Variants in DIS3L observed in about 807,000 individuals in gnomAD.
The protein encoded by DIS3L is DIS3 like exosome 3'-5' exoribonuclease, also known as DIS3-like exonuclease 1.
Under a neutral mutation model 120.3 loss-of-function variants are expected in DIS3L, and 100 were observed. That is an observed-to-expected ratio of 0.83 (90% CI 0.71 to 0.98). The LOEUF (loss-of-function observed/expected upper bound fraction) is 0.98. Among genes scored for constraint, DIS3L ranks in the 50% least tolerant of loss-of-function variants. The pLI, the probability that DIS3L is intolerant of heterozygous loss-of-function variation, is 0.00. For missense variants in DIS3L, 1,196 were observed against 1,314.2 expected (o/e 0.91, Z 1.39); for synonymous variants, 426 against 470.6 (o/e 0.91, Z 1.23).
rs1425723625 is a variant in DIS3L, at chr15:66,328,970, G to T, written c.2202G>T (p.Arg734=). 2 of 1,610,696 alleles carry T rather than the reference G, an allele frequency of 1.2e-6. No individual in the cohort carries two copies. The highest frequency in any genetic ancestry group is 1.7e-6 in the Non-Finnish European group (2 of 1,179,150). Residue 734 remains arginine (R), a splice_region_variant and synonymous_variant, in exon 13 of 17, where the codon CGG becomes CGT. Coordinates refer to ENST00000319212, the MANE Select transcript of DIS3L (RefSeq NM_001143688.3). ...TAACGGTTTTTCTGTTCTTTGTCAG[G>T]TCCAATAAAACACTGGCTGATTCTC... is the stretch of plus-strand genomic sequence containing the variant. ...AKAKGFFIDT[R]SNKTLADSLD...
In DIS3L at chr15:66,315,104, G is replaced by C. The variant is rs779478562; in HGVS notation, c.883G>C (p.Val295Leu). The C allele has an allele frequency of 6.2e-6, 10 of 1,614,104 alleles. No individual in the cohort carries two copies. The Admixed American group carries it at 1.7e-4, about 27-fold the overall frequency. The change falls in exon 7 of 17, where the codon GTT becomes CTT. Residue 295 changes from valine (V) to leucine (L), a missense_variant. Transcript: ENST00000319212. ...RNRSIHGDVV[V>L]VELLPKNEWK... ...CCGCTCAATTCATGGAGATGTGGTA[G>C]TTGTGGAGCTGCTTCCTAAAAATGA...
At chr15:66,327,023 A>G (rs1293364594) in intron 12 of DIS3L, among the ~76,000 whole-genome samples, 2 of 151,318 alleles carry the variant, frequency 1.3e-5, no homozygotes, top group African/African-American at 4.9e-5. Context: ...TCCGCCTCCC[A>G]GGTTCAAGCG....
In DIS3L at chr15:66,315,105, T is replaced by C; in HGVS notation, c.884T>C (p.Val295Ala). 10 of 1,614,028 alleles carry C rather than the reference T, an allele frequency of 6.2e-6. No individual in the cohort carries two copies. The highest frequency in any genetic ancestry group is 8.5e-6 in the Non-Finnish European group (10 of 1,180,012). Residue 295 changes from valine to alanine, a missense_variant, in exon 7 of 17, where the codon GTT becomes GCT. By Grantham distance (64) the Val-to-Ala change is moderately conservative. Coordinates refer to ENST00000319212, the MANE Select transcript of DIS3L (RefSeq NM_001143688.3). ...CGCTCAATTCATGGAGATGTGGTAG[T>C]TGTGGAGCTGCTTCCTAAAAATGAA... ...RNRSIHGDVV[V>A]VELLPKNEWK...
At position 66,327,289 on chromosome 15, in the gene DIS3L, A is replaced by G. The variant is rs2092948884; in HGVS notation, c.2201+925A>G. On this transcript the variant is annotated intron_variant, in intron 12 of 16. Transcript: ENST00000319212. ...TGTTAGTTACCCTTGATTTAATTTCATGTACCCCTTAAGTTACAAAGAAAT... is the reference window on the plus strand; with the variant it reads ...TGTTAGTTACCCTTGATTTAATTTCGTGTACCCCTTAAGTTACAAAGAAAT... 3.9e-5 allele frequency among the ~76,000 whole-genome samples: 6 copies of G among 152,260 alleles called. No homozygotes were observed. In the South Asian group the frequency reaches 1.2e-3, roughly 32 times the overall value.
intron 7 of DIS3L, among the ~76,000 whole-genome samples, chr15:66,316,995 G>A (rs543554367): frequency 1.3e-5 from 2 of 152,232 alleles, no homozygotes; most frequent in South Asian, 2.1e-4. Context: ...TGCTCCAGCC[G>A]CAGTGACAAC....
intron 9 of DIS3L, 124 bp from the exon 10 acceptor site, chr15:66,322,563 G>A: frequency 6.9e-7 from 1 of 1,440,520 alleles, no homozygotes; most frequent in Non-Finnish European, 9.4e-7. Flanking sequence ...AGCCAACATA[G>A]GTTGATGAAG....
intron 2 of DIS3L, among the ~76,000 whole-genome samples, chr15:66,295,590 A>G (rs2092577719): frequency 6.6e-6 from 1 of 152,238 alleles, no homozygotes; most frequent in Non-Finnish European, 1.5e-5. Flanking sequence ...GTAATGATTT[A>G]TTCAATGAAA....
chr15:66,300,901 T>C (rs766139210), intron 2 of DIS3L, among the ~76,000 whole-genome samples: 9 of 152,256 alleles, frequency 5.9e-5, no homozygotes, highest in Non-Finnish European at 1.2e-4. Context: ...TTGTGAGTAT[T>C]GTCTAATATA....
At chr15:66,318,666 C>T (rs759992017) in intron 8 of DIS3L, 48 bp downstream of exon 8, 3 of 1,570,296 alleles carry the variant, frequency 1.9e-6, no homozygotes, top group African/African-American at 2.7e-5. Context: ...CTTTCTCCTT[C>T]TGTCTTTACC....
chr15:66,298,556 A>G (rs959550426), intron 2 of DIS3L, among the ~76,000 whole-genome samples: 1 of 152,252 alleles, frequency 6.6e-6, no homozygotes, highest in East Asian at 1.9e-4. Flanking sequence ...ATGGAAAGAC[A>G]CAGCCTTTAA....
In DIS3L at chr15:66,294,977, T is replaced by C; in HGVS notation, c.140-11T>C. On this transcript the variant is annotated splice_polypyrimidine_tract_variant and intron_variant, in intron 1 of 16. Transcript: ENST00000319212. ...ATTGTCTAATCTCTTACATTTTGAA[T>C]TATGTTTCAGATGGGAAACTCTTGT... The C allele has an allele frequency of 6.2e-7, 1 of 1,600,270 alleles. No individual in the cohort carries two copies.
rs531644771 is a variant in DIS3L at position 66,296,616 on chromosome 15, C to T, written c.293+1475C>T. 2.9e-3 allele frequency among the ~76,000 whole-genome samples: 441 copies of T among 151,840 alleles called. 2 individuals carry two copies. Among genetic ancestry groups the T allele is most frequent in the Non-Finnish European group, 4.0e-3 (270 of 67,964 alleles). On this transcript the variant is annotated intron_variant, in intron 2 of 16. Coordinates refer to ENST00000319212, the MANE Select transcript of DIS3L (RefSeq NM_001143688.3). ...ACAGGTCACTGCAACCTCCACCTCC[C>T]GGGTTCAAGTGATTCTCCTGCCTCA...
At chr15:66,294,480 GCT>G in intron 1 of DIS3L, 1 of 986,494 alleles carries the variant, frequency 1.0e-6, no homozygotes, top group Non-Finnish European at 1.2e-6. Flanking sequence ...TGGCTAACCA[GCT>G]CTCAGATGCA....
intron 1 of DIS3L, chr15:66,294,018 G>A (rs2092555101): frequency 1.0e-6 from 1 of 988,764 alleles, no homozygotes; most frequent in Non-Finnish European, 1.2e-6. Context: ...GGGTGGTTTG[G>A]CTCCTCAGAG....
At chr15:66,320,255 G>A (rs998473902) in intron 8 of DIS3L, among the ~76,000 whole-genome samples, 5 of 152,108 alleles carry the variant, frequency 3.3e-5, no homozygotes, top group Admixed American at 3.3e-4. Context: ...AGTGTTGCAA[G>A]CGTTAACTAG....
Position 66,322,816 on chromosome 15 carries a change from G to C in DIS3L, c.1456G>C (p.Asp486His). 1 of 1,614,202 alleles carries C rather than the reference G, an allele frequency of 6.2e-7. No individual in the cohort carries two copies. The highest frequency in any genetic ancestry group is 2.2e-5 in the East Asian group (1 of 44,882). ...TGACCCCAAAGGTTGTGAAGATGTG[G>C]ATGACACACTCTCAGTCAGAACCTT... ...SIDPKGCEDV[D>H]DTLSVRTLNN... Residue 486 changes from aspartate to histidine, a missense_variant, in exon 10 of 17, where the codon GAT (aspartate) becomes CAT (histidine). Transcript: ENST00000319212.
chr15:66,309,094 A>AAAAATATATATAT lies in DIS3L; in HGVS notation c.558+251_558+252insAAATATATATATA. On this transcript the variant is annotated intron_variant, in intron 4 of 16. Coordinates refer to ENST00000319212, the MANE Select transcript of DIS3L (RefSeq NM_001143688.3). ...CTTGTCTCTACAGAAAAAAAAAAAA[A>AAAAATATATATAT]ATATATATATCTCCAAGCATGGTGG... Among the ~76,000 whole-genome samples, 99 of 15,316 alleles carry AAAAATATATATAT rather than the reference A, an allele frequency of 6.5e-3. 21 individuals are homozygous for AAAAATATATATAT. The highest frequency in any genetic ancestry group is 9.3e-3 in the Non-Finnish European group (77 of 8,310). The allele number at this position is 15,316 out of a possible 152,430, so 10.0% of individuals were successfully genotyped here. A position where few individuals can be genotyped will look rare whatever the true frequency, so the allele number is the denominator to read the frequency against.
chr15:66,332,854 A>C lies in DIS3L; in HGVS notation c.2800A>C (p.Thr934Pro). 6.2e-7 allele frequency: 1 copy of C among 1,613,996 alleles called. No homozygotes were observed. ...GSLQRFQNKI[T>P]STTTDGESVT... ...CCTTCAACGATTTCAAAACAAAATT[A>C]CCTCTACTACAACAGATGGGGAATC... Residue 934 changes from threonine (T) to proline (P), a missense_variant, in exon 16 of 17, where the codon ACC (threonine) becomes CCC (proline). Physicochemically the swap from Thr to Pro is conservative, Grantham distance 38. Transcript: ENST00000319212.
At chr15:66,321,816 A>T (rs2092887600) in intron 9 of DIS3L, among the ~76,000 whole-genome samples, 1 of 151,830 alleles carries the variant, frequency 6.6e-6, no homozygotes, top group Admixed American at 6.6e-5. Flanking sequence ...ACCGCTTTTT[A>T]ATTTCTTTTT....
Sources: allele counts gnomAD v4.1 joint callset (sites outside exome capture counted in the v4.1 genomes callset), GRCh38; gene constraint gnomAD v4.1.1; transcripts MANE v1.5; gene names NCBI Gene and HGNC (gene_info 2026-07-23, HGNC 2026-07-21).